The following GALNS variants were observed in gnomAD, a reference collection of about 807,000 sequenced individuals.
GALNS encodes the protein galactosamine (N-acetyl)-6-sulfatase.
In GALNS, 65 loss-of-function variants were observed where a neutral mutation model predicts 65.9. The ratio of observed to expected loss-of-function variants is 0.99; its 90% CI spans 0.81 to 1.21. GALNS has a LOEUF of 1.21. Ranked by LOEUF, GALNS falls within the 50% of genes most tolerant of loss-of-function variation. GALNS has a pLI of 0.00. For missense variants in GALNS, 776 were observed against 700.7 expected (o/e 1.11, Z -1.21); for synonymous variants, 346 against 288.9 (o/e 1.20, Z -2.00).
rs1967035346 is a variant in GALNS, at chr16:88,842,754, C to T, written c.196G>A (p.Gly66Arg). 2.5e-6 allele frequency: 4 copies of T among 1,612,970 alleles called. No homozygotes were observed. Among genetic ancestry groups the T allele is most frequent in the East Asian group, 2.2e-5 (1 of 44,874 alleles). Residue 66 changes from glycine (G) to arginine (R), a missense_variant, in exon 2 of 14, where the codon GGG (glycine) becomes AGG (arginine). By Grantham distance (125) the Gly-to-Arg change is moderately radical. Transcript: ENST00000268695. ...TPNLDRMAAE[G>R]LLFPNFYSAN... ...GAATAGAAGTTTGGGAAAAGCAGCC[C>T]TTCTGCAGCCATCCGGTCCAAATTC... is the stretch of plus-strand genomic sequence containing the variant.
intron 1 of GALNS, 162 bp from the exon 2 acceptor site, chr16:88,842,991 C>T (rs1967054429): frequency 3.3e-6 from 5 of 1,506,488 alleles, no homozygotes; most frequent in Non-Finnish European, 3.6e-6. Context: ...GCATCGCCTG[C>T]GTGCGTGCAC....
chr16:88,855,250 G>A (rs983827473), intron 1 of GALNS: 2 of 699,598 alleles, frequency 2.9e-6, no homozygotes, highest in East Asian at 2.7e-5. Context: ...GAGAAAGTCA[G>A]GAAAAGCAGA....
chr16:88,854,031 G>C (rs1967637152), intron 1 of GALNS, among the ~76,000 whole-genome samples: 1 of 152,232 alleles, frequency 6.6e-6, no homozygotes, highest in Non-Finnish European at 1.5e-5. Flanking sequence ...CACTTGCTTA[G>C]ACGAAAGGGG....
chr16:88,848,330 C>T (rs118019723), intron 1 of GALNS, among the ~76,000 whole-genome samples: 2,158 of 152,178 alleles, frequency 0.014, 37 homozygotes, highest in South Asian at 0.067. Flanking sequence ...CTCAGTAAAG[C>T]GGCTATAAAA....
chr16:88,822,530 C>T (rs1910339733), intron 12 of GALNS, 59 bp downstream of exon 12: 4 of 1,605,998 alleles, frequency 2.5e-6, no homozygotes, highest in Non-Finnish European at 3.4e-6. Flanking sequence ...GTGGAGCCTG[C>T]ATTTGGGGGA....
chr16:88,847,860 C>T (rs971348208), intron 1 of GALNS, among the ~76,000 whole-genome samples: 7 of 152,222 alleles, frequency 4.6e-5, no homozygotes, highest in African/African-American at 1.7e-4. Context: ...CCCAACAGAA[C>T]TGAAAAGTGT....
At chr16:88,855,130 C>G in intron 1 of GALNS, 1 of 552,006 alleles carries the variant, frequency 1.8e-6, no homozygotes, top group Non-Finnish European at 3.4e-6. Context: ...AGGTGAAATA[C>G]AGACTAACTT....
chr16:88,833,589 C>G (rs1911748232), intron 8 of GALNS, among the ~76,000 whole-genome samples: 1 of 152,024 alleles, frequency 6.6e-6, no homozygotes, highest in Admixed American at 6.5e-5. Context: ...GCAGCTGGGA[C>G]TACAGGTGCC....
At chr16:88,825,860 C>T (rs1052034484) in intron 10 of GALNS, among the ~76,000 whole-genome samples, 1 of 152,288 alleles carries the variant, frequency 6.6e-6, no homozygotes, top group Admixed American at 6.5e-5. Context: ...CTCTACCCGG[C>T]CCCAGATAGC....
intron 12 of GALNS, 23 bp from the exon 13 acceptor site, chr16:88,818,147 A>T (rs1373561667): frequency 1.3e-6 from 2 of 1,554,094 alleles, no homozygotes; most frequent in Admixed American, 1.8e-5. Flanking sequence ...AGCTCTGGTC[A>T]CACGGCTGGG....
intron 1 of GALNS, chr16:88,843,456 C>G: frequency 2.0e-5 from 7 of 347,368 alleles, no homozygotes; most frequent in South Asian, 1.5e-4. Flanking sequence ...CGACAAAGTG[C>G]GGCCGGCGTG....
At chr16:88,831,001 G>A (rs995829097) in intron 9 of GALNS, among the ~76,000 whole-genome samples, 5 of 152,344 alleles carry the variant, frequency 3.3e-5, no homozygotes, top group South Asian at 2.1e-4. Context: ...AAGTCCTGCA[G>A]GGAAGAAACC....
Position 88,826,657 on chromosome 16 carries a change from A to G in GALNS, c.1139+45T>C, listed in dbSNP as rs765000658. ...CACCTGATTAGCAGCTCTGGGCTTC[A>G]CTACTTGGATCGGGGGAAGGGGCCG... On this transcript the variant is annotated intron_variant, in intron 10 of 13. Coordinates refer to ENST00000268695, the MANE Select transcript of GALNS (RefSeq NM_000512.5). 9.4e-6 allele frequency: 15 copies of G among 1,599,134 alleles called. No individual in the cohort carries two copies. The Middle Eastern group carries it at 6.6e-4, about 71-fold the overall frequency.
intron 12 of GALNS, among the ~76,000 whole-genome samples, chr16:88,822,049 G>A (rs912868574): frequency 6.6e-6 from 1 of 152,104 alleles, no homozygotes; most frequent in African/African-American, 2.4e-5. Flanking sequence ...CCTCTGTGTC[G>A]CCCCTAAGGA....
chr16:88,851,270 T>C (rs1967495018), intron 1 of GALNS, among the ~76,000 whole-genome samples: 1 of 152,070 alleles, frequency 6.6e-6, no homozygotes, highest in African/African-American at 2.4e-5. Context: ...TCCCAACACT[T>C]TGGGAGGCTG....
intron 9 of GALNS, among the ~76,000 whole-genome samples, chr16:88,830,681 G>A (rs1172291605): frequency 1.3e-5 from 2 of 152,258 alleles, no homozygotes; most frequent in Non-Finnish European, 2.9e-5. Flanking sequence ...CCGAGGGGCA[G>A]CTTCCTGGGC....
At chr16:88,854,781 G>C (rs1023800404) in intron 1 of GALNS, among the ~76,000 whole-genome samples, 5 of 152,242 alleles carry the variant, frequency 3.3e-5, no homozygotes, top group South Asian at 2.1e-4. Flanking sequence ...GTCGACTCAG[G>C]AGGGCCAGGG....
intron 1 of GALNS, chr16:88,856,187 A>G (rs1225200441): frequency 1.6e-5 from 11 of 702,836 alleles, no homozygotes; most frequent in African/African-American, 5.2e-5. Flanking sequence ...TCAGTTCTTC[A>G]GACCTTAGGG....
Position 88,818,044 on chromosome 16 carries a change from G to A in GALNS, c.1445C>T (p.Ala482Val), listed in dbSNP as rs1909820489. ...GTTGCACACGTTGAGCTGGGGCTGC[G>A]CGGGGACCAAGGCCTCCTGGTGCTG... ...VQQHQEALVP[A>V]QPQLNVCNWA... The change falls in exon 13 of 14, where the codon GCG (alanine) becomes GTG (valine). Residue 482 changes from alanine to valine, a missense_variant. Physicochemically the swap from Ala to Val is moderately conservative, Grantham distance 64. Coordinates refer to ENST00000268695, the MANE Select transcript of GALNS (RefSeq NM_000512.5). 5 of 1,582,716 alleles carry A rather than the reference G, an allele frequency of 3.2e-6. No homozygotes were observed. Among genetic ancestry groups the A allele is most frequent in the South Asian group, 1.1e-5 (1 of 87,210 alleles).
Sources: allele counts gnomAD v4.1 joint callset (sites outside exome capture counted in the v4.1 genomes callset), GRCh38; gene constraint gnomAD v4.1.1; transcripts MANE v1.5; gene names NCBI Gene and HGNC (gene_info 2026-07-23, HGNC 2026-07-21).